The following HS2ST1 variants were observed in gnomAD, a reference collection of about 807,000 sequenced individuals.
HS2ST1 encodes heparan sulfate 2-O-sulfotransferase 1, also known as 2-O-sulfotransferase.
Under a neutral mutation model 42.9 loss-of-function variants are expected in HS2ST1, and 18 were observed. The ratio of observed to expected loss-of-function variants is 0.42; its 90% CI spans 0.29 to 0.62. The LOEUF (loss-of-function observed/expected upper bound fraction) is 0.62, where lower values mean the gene tolerates loss of function less well. Ranked by LOEUF, HS2ST1 falls within the 20% of genes least tolerant of loss-of-function variation. The pLI is 0.21. For missense variants in HS2ST1, 334 were observed against 433.8 expected (o/e 0.77, Z 2.04); for synonymous variants, 146 against 152.9 (o/e 0.95, Z 0.33).
At chr1:87,025,373 G>C (rs778980290) in intron 1 of HS2ST1, among the ~76,000 whole-genome samples, 2 of 152,172 alleles carry the variant, frequency 1.3e-5, no homozygotes, top group African/African-American at 2.4e-5. Context: ...GAACACATTT[G>C]TCATGCTTTC....
Position 87,067,629 on chromosome 1 carries a change from A to G in HS2ST1, c.125-5305A>G, listed in dbSNP as rs532785559. 2.6e-5 allele frequency among the ~76,000 whole-genome samples: 4 copies of G among 152,252 alleles called. No individual in the cohort carries two copies. In the East Asian group the frequency reaches 7.7e-4, roughly 29 times the overall value. On this transcript the variant is annotated intron_variant, in intron 1 of 6. Coordinates refer to ENST00000370550, the MANE Select transcript of HS2ST1 (RefSeq NM_012262.4). ...TGCCATTGCTTTTGGTGTTTTAGTC[A>G]TGAAGTCTTTGCCCATGCCTATGTC...
rs144124230 is a variant in HS2ST1, at chr1:86,991,634, A to G, written c.124+76474A>G. 4.6e-3 allele frequency among the ~76,000 whole-genome samples: 702 copies of G among 152,324 alleles called. 4 individuals carry two copies. The highest frequency in any genetic ancestry group is 0.02 in the Middle Eastern group (6 of 294). On this transcript the variant is annotated intron_variant, in intron 1 of 6. Coordinates refer to ENST00000370550, the MANE Select transcript of HS2ST1 (RefSeq NM_012262.4). Reference sequence around the variant, plus strand: ...TAATTTAACAACATAAAGAGCTTATATTTGAGTTAAACATACTAAGCTTAT... The same window carrying G: ...TAATTTAACAACATAAAGAGCTTATGTTTGAGTTAAACATACTAAGCTTAT...
At chr1:87,097,491 T>C (rs2100653846) in intron 4 of HS2ST1, among the ~76,000 whole-genome samples, 1 of 152,266 alleles carries the variant, frequency 6.6e-6, no homozygotes, top group South Asian at 2.1e-4. Flanking sequence ...CCTCCTGGGT[T>C]CAAGCGATTC....
In HS2ST1 at chr1:87,059,924, A is replaced by T. The variant is rs983267476; in HGVS notation, c.125-13010A>T. 1.3e-5 allele frequency among the ~76,000 whole-genome samples: 2 copies of T among 152,186 alleles called. 1 individual carries two copies. Among genetic ancestry groups the T allele is most frequent in the South Asian group, 4.1e-4 (2 of 4,824 alleles). On this transcript the variant is annotated intron_variant, in intron 1 of 6. Transcript: ENST00000370550. ...TCTCTATACTTATTCTGGTACATTT[A>T]AAGAAAAACTTAGGCCCTATATTGG... is the stretch of plus-strand genomic sequence containing the variant.
chr1:86,926,651 G>C (rs1006043964), intron 1 of HS2ST1, among the ~76,000 whole-genome samples: 1 of 152,160 alleles, frequency 6.6e-6, no homozygotes, highest in African/African-American at 2.4e-5. Flanking sequence ...TAGAAACTGG[G>C]TGAATCTTTG....
chr1:87,027,597 A>G (rs1650120412), intron 1 of HS2ST1, among the ~76,000 whole-genome samples: 1 of 152,246 alleles, frequency 6.6e-6, no homozygotes, highest in East Asian at 1.9e-4. Context: ...CACATGAGTA[A>G]GGTTTGATAA....
At chr1:86,961,888 C>CT (rs1348579379) in intron 1 of HS2ST1, among the ~76,000 whole-genome samples, 1 of 151,976 alleles carries the variant, frequency 6.6e-6, no homozygotes. Flanking sequence ...TGTGTGGCTT[C>CT]TTTCGTTTAA....
chr1:86,986,909 A>T (rs1570465993), intron 1 of HS2ST1, among the ~76,000 whole-genome samples: 1 of 152,074 alleles, frequency 6.6e-6, no homozygotes, highest in South Asian at 2.1e-4. Flanking sequence ...AGTCATAGAA[A>T]AATAATAACA....
At chr1:86,929,713 A>G (rs1660502257) in intron 1 of HS2ST1, among the ~76,000 whole-genome samples, 1 of 151,858 alleles carries the variant, frequency 6.6e-6, no homozygotes, top group African/African-American at 2.4e-5. Flanking sequence ...TAGTCAAATT[A>G]ATGAAAGAAG....
In HS2ST1 at chr1:86,971,136, A is replaced by G. The variant is rs574354540; in HGVS notation, c.124+55976A>G. On this transcript the variant is annotated intron_variant, in intron 1 of 6. Transcript: ENST00000370550. ...AAGGCCTGTTACATGTTTGGTTGCT[A>G]GAGATACAATGATGGAAAATTCAGA... 5.3e-5 allele frequency among the ~76,000 whole-genome samples: 8 copies of G among 152,282 alleles called. No individual in the cohort carries two copies. The East Asian group carries it at 5.8e-4, about 11-fold the overall frequency.
chr1:87,081,906 G>A (rs997223612), intron 2 of HS2ST1, among the ~76,000 whole-genome samples: 26 of 150,928 alleles, frequency 1.7e-4, no homozygotes, highest in African/African-American at 5.6e-4. Context: ...CCTGGAAGGC[G>A]GAGGTTGCAG....
chr1:87,092,313 A>G (rs1465509278), intron 3 of HS2ST1, among the ~76,000 whole-genome samples: 1 of 152,014 alleles, frequency 6.6e-6, no homozygotes, highest in Non-Finnish European at 1.5e-5. Context: ...ATCTTCAGAC[A>G]TAGTTTTTAA....
At chr1:87,005,935 A>G (rs780492965) in intron 1 of HS2ST1, among the ~76,000 whole-genome samples, 6 of 152,170 alleles carry the variant, frequency 3.9e-5, no homozygotes, top group Non-Finnish European at 5.9e-5. Context: ...CATGTAAAGA[A>G]AATATCCTCA....
At chr1:86,950,127 C>CGT (rs1430404478) in intron 1 of HS2ST1, among the ~76,000 whole-genome samples, 1 of 152,194 alleles carries the variant, frequency 6.6e-6, no homozygotes, top group African/African-American at 2.4e-5. Context: ...ACTTAATGCT[C>CGT]TAACTTAACA....
At chr1:87,089,563 T>C (rs1283687005) in intron 3 of HS2ST1, among the ~76,000 whole-genome samples, 2 of 151,988 alleles carry the variant, frequency 1.3e-5, no homozygotes, top group Non-Finnish European at 2.9e-5. Flanking sequence ...GGCAAAAGAG[T>C]AAAACCAGCA....
intron 1 of HS2ST1, among the ~76,000 whole-genome samples, chr1:86,962,485 C>G (rs1157601900): frequency 6.6e-6 from 1 of 152,156 alleles, no homozygotes; most frequent in Non-Finnish European, 1.5e-5. Context: ...AAAACAGTAA[C>G]CTAACATTGC....
intron 1 of HS2ST1, among the ~76,000 whole-genome samples, chr1:86,993,771 A>G (rs1232837851): frequency 2.0e-5 from 3 of 152,220 alleles, no homozygotes; most frequent in Non-Finnish European, 4.4e-5. Flanking sequence ...AGGCAGTGGC[A>G]TGGGGGACTT....
intron 1 of HS2ST1, among the ~76,000 whole-genome samples, chr1:86,941,975 T>C (rs898960038): frequency 6.6e-6 from 1 of 152,332 alleles, no homozygotes; most frequent in African/African-American, 2.4e-5. Flanking sequence ...GAGCAGAAGC[T>C]TAATACTGTA....
chr1:87,036,729 T>C (rs930556240), intron 1 of HS2ST1, among the ~76,000 whole-genome samples: 3 of 152,196 alleles, frequency 2.0e-5, no homozygotes, highest in African/African-American at 4.8e-5. Context: ...CAAACTGATA[T>C]CAGGATGACA....
Sources: gnomAD v4.1 joint callset for allele counts (sites outside exome capture counted in the v4.1 genomes callset) on GRCh38, gnomAD v4.1.1 for gene constraint, MANE v1.5 for transcripts, NCBI Gene and HGNC (gene_info 2026-07-23, HGNC 2026-07-21) for gene names.